ADD1: variants seen among roughly 807,000 people sequenced by gnomAD.
The protein encoded by ADD1 is alpha-adducin.
Under a neutral mutation model 80.5 loss-of-function variants are expected in ADD1, and 24 were observed. The ratio of observed to expected loss-of-function variants is 0.30; its 90% confidence interval spans 0.22 to 0.42. ADD1 has a LOEUF of 0.42. Ranked by LOEUF, ADD1 falls within the 10% of genes least tolerant of loss-of-function variation. ADD1 has a pLI of 1.00. For synonymous variants in ADD1, 373 were observed against 393.8 expected (o/e 0.95, Z 0.63); for missense variants, 948 against 1,019.0 (o/e 0.93, Z 0.95).
intron 14 of ADD1, among the ~76,000 whole-genome samples, chr4:2,921,539 C>A (rs576094157): frequency 6.6e-6 from 1 of 152,192 alleles, no homozygotes; most frequent in Non-Finnish European, 1.5e-5. Flanking sequence ...TTGTGGGTAA[C>A]CCAACCTTTC....
In ADD1 at chr4:2,894,587, G is replaced by A. The variant is rs996773094; in HGVS notation, c.597G>A (p.Lys199=). 2 of 1,597,812 alleles carry A rather than the reference G, an allele frequency of 1.3e-6. No homozygotes were observed. Among genetic ancestry groups the A allele is most frequent in the African/African-American group, 1.4e-5 (1 of 73,622 alleles). ...TTTTATTTTTTTATTTTCAGGTTAA[G>A]ATCAATCTACAAGGAGATATAGTAG... ...YSEVTASSLV[K]INLQGDIVDR... is the part of the protein sequence containing the mutation. Residue 199 remains lysine (K), a synonymous_variant, in exon 6 of 16, where the codon AAG becomes AAA. Coordinates refer to ENST00000683351, the MANE Select transcript of ADD1 (RefSeq NM_001354761.2).
chr4:2,917,951 TA>T (rs1350933802), intron 14 of ADD1, among the ~76,000 whole-genome samples: 4 of 152,224 alleles, frequency 2.6e-5, no homozygotes, highest in African/African-American at 9.6e-5. Flanking sequence ...TGAAGTCAGG[TA>T]GTGTGATGCC....
chr4:2,875,339 T>G (rs896864573), intron 1 of ADD1, among the ~76,000 whole-genome samples: 46 of 152,314 alleles, frequency 3.0e-4, no homozygotes, highest in African/African-American at 1.1e-3. Flanking sequence ...GACCTCAAAT[T>G]GCTGGTACCT....
chr4:2,850,395 G>C (rs916418806), intron 1 of ADD1, among the ~76,000 whole-genome samples: 7 of 152,076 alleles, frequency 4.6e-5, no homozygotes, highest in Non-Finnish European at 1.0e-4. Context: ...AGCCTCCTGA[G>C]TAGCTGGGAA....
intron 15 of ADD1, among the ~76,000 whole-genome samples, chr4:2,927,555 A>T (rs1411244855): frequency 2.6e-5 from 4 of 152,202 alleles, no homozygotes; most frequent in African/African-American, 9.7e-5. Context: ...CTGTGTCCTC[A>T]GGGCCGCTGT....
intron 10 of ADD1, among the ~76,000 whole-genome samples, chr4:2,906,393 C>CAAA (rs111722982): frequency 7.3e-6 from 1 of 137,558 alleles, no homozygotes. Context: ...CGTTATAAAA[C>CAAA]AAAAAAAAAA....
At chr4:2,847,985 C>T (rs1039761500) in intron 1 of ADD1, among the ~76,000 whole-genome samples, 4 of 152,116 alleles carry the variant, frequency 2.6e-5, no homozygotes, top group Non-Finnish European at 5.9e-5. Context: ...GAGGCCGAGG[C>T]AGGTGGATCA....
At chr4:2,868,363 G>C (rs920068264) in intron 1 of ADD1, among the ~76,000 whole-genome samples, 2 of 152,162 alleles carry the variant, frequency 1.3e-5, no homozygotes, top group African/African-American at 4.8e-5. Context: ...CATGTCTCTT[G>C]GTGCTGGCCA....
chr4:2,906,644 T>C (rs1737118377), intron 10 of ADD1, among the ~76,000 whole-genome samples: 1 of 152,246 alleles, frequency 6.6e-6, no homozygotes, highest in Non-Finnish European at 1.5e-5. Context: ...GGTTGGTATC[T>C]TTTCATTTAT....
chr4:2,882,525 A>G (rs1162427238), intron 3 of ADD1, among the ~76,000 whole-genome samples: 1 of 152,240 alleles, frequency 6.6e-6, no homozygotes, highest in Admixed American at 6.5e-5. Context: ...CAGCTTTGCC[A>G]TGGCAATTGA....
intron 1 of ADD1, among the ~76,000 whole-genome samples, chr4:2,855,417 T>C (rs1046132686): frequency 3.3e-5 from 5 of 152,056 alleles, no homozygotes; most frequent in African/African-American, 1.2e-4. Context: ...TGGGAGTTGT[T>C]TGTTTTTCTT....
chr4:2,880,726 C>T (rs934483897), intron 2 of ADD1, among the ~76,000 whole-genome samples: 18 of 151,932 alleles, frequency 1.2e-4, no homozygotes, highest in African/African-American at 2.9e-4. Context: ...CCGCCCGCCT[C>T]GGCCTCCCAA....
intron 15 of ADD1, among the ~76,000 whole-genome samples, chr4:2,927,042 T>TGG (rs1341842127): frequency 6.6e-6 from 1 of 152,196 alleles, no homozygotes; most frequent in East Asian, 1.9e-4. Context: ...ACCTGCCGTG[T>TGG]GGGGTCAGAT....
At chr4:2,906,260 G>C (rs1423554412) in intron 10 of ADD1, among the ~76,000 whole-genome samples, 2 of 152,206 alleles carry the variant, frequency 1.3e-5, no homozygotes, top group Admixed American at 6.5e-5. Flanking sequence ...GGGGCTCTGA[G>C]CATGGGAGTG....
At chr4:2,889,136 A>G (rs1200439944) in intron 4 of ADD1, among the ~76,000 whole-genome samples, 1 of 152,206 alleles carries the variant, frequency 6.6e-6, no homozygotes, top group Admixed American at 6.5e-5. Context: ...TAATTAATAT[A>G]GTGTCCTTTG....
intron 4 of ADD1, among the ~76,000 whole-genome samples, chr4:2,892,899 A>AT (rs1476182479): frequency 1.3e-5 from 2 of 151,612 alleles, no homozygotes; most frequent in African/African-American, 4.8e-5. Context: ...GGTTTTAATT[A>AT]TTTTTTTATT....
At chr4:2,916,987 A>AG (rs1739192735) in intron 14 of ADD1, among the ~76,000 whole-genome samples, 2 of 152,224 alleles carry the variant, frequency 1.3e-5, no homozygotes, top group African/African-American at 4.8e-5. Context: ...ATAGTGGTGC[A>AG]GTACACATAT....
At chr4:2,852,669 C>CAT in intron 1 of ADD1, among the ~76,000 whole-genome samples, 2 of 33,036 alleles carry the variant, frequency 6.1e-5, no homozygotes, top group African/African-American at 3.1e-4. Flanking sequence ...TAGGTGTTTT[C>CAT]TGTACTGTTT....
chr4:2,919,701 A>G (rs913352174), intron 14 of ADD1, among the ~76,000 whole-genome samples: 3 of 150,696 alleles, frequency 2.0e-5, no homozygotes, highest in Non-Finnish European at 4.4e-5. Context: ...ATCATTTTTT[A>G]TTGTGTCTAT....
Sources: allele counts gnomAD v4.1 joint callset (sites outside exome capture counted in the v4.1 genomes callset), GRCh38; gene constraint gnomAD v4.1.1; transcripts MANE v1.5; gene names NCBI Gene and HGNC (gene_info 2026-07-23, HGNC 2026-07-21).